The following ANKRD11 variants were observed in gnomAD, a reference collection of about 807,000 sequenced individuals.
ANKRD11 encodes the protein ankyrin repeat domain-containing protein 11.
Under a neutral mutation model 195.7 loss-of-function variants are expected in ANKRD11, and 17 were observed. That is an observed-to-expected ratio of 0.09 (90% CI 0.06 to 0.13). The LOEUF (loss-of-function observed/expected upper bound fraction) is 0.13. Among genes scored for constraint, ANKRD11 ranks in the 10% least tolerant of loss-of-function variants. The probability of loss-of-function intolerance (pLI) is 1.00; values close to 1 mark genes in which losing one functional copy is unlikely to be tolerated. For synonymous variants in ANKRD11, 1,953 were observed against 1,528.1 expected (o/e 1.28, Z -6.49); for missense variants, 3,735 against 3,566.1 (o/e 1.05, Z -1.21).
chr16:89,296,404 T>C (rs1438555589), intron 4 of ANKRD11, among the ~76,000 whole-genome samples: 2 of 152,216 alleles, frequency 1.3e-5, no homozygotes, highest in African/African-American at 4.8e-5. Context: ...GCAGGCTTCC[T>C]GTCTCACTTT....
chr16:89,280,412 C>G lies in ANKRD11; in HGVS notation c.6130G>C (p.Val2044Leu). Residue 2044 changes from valine to leucine, a missense_variant, in exon 9 of 13, where the codon GTC becomes CTC. By Grantham distance (32) the Val-to-Leu change is conservative. Transcript: ENST00000301030. ...TCTGAGGTGGAGATGGCGGCGGGGACGGCGTCCACTCCGTCCTTGACGTCC... is the reference window on the plus strand; with the variant it reads ...TCTGAGGTGGAGATGGCGGCGGGGAGGGCGTCCACTCCGTCCTTGACGTCC... ...LEDVKDGVDAVPAAISTSEAA... is the reference protein window; with the variant it reads ...LEDVKDGVDALPAAISTSEAA... 1.3e-6 allele frequency: 2 copies of G among 1,562,722 alleles called. No homozygotes were observed. The highest frequency in any genetic ancestry group is 2.3e-5 in the East Asian group (1 of 44,142).
chr16:89,483,357 A>T (rs74037209), intron 1 of ANKRD11, among the ~76,000 whole-genome samples: 1,570 of 152,334 alleles, frequency 0.01, 25 homozygotes, highest in African/African-American at 0.036. Flanking sequence ...TAGCAGAATC[A>T]GATCTAAAGA....
chr16:89,332,307 G>A (rs907126658), intron 2 of ANKRD11, among the ~76,000 whole-genome samples: 2 of 152,130 alleles, frequency 1.3e-5, no homozygotes, highest in East Asian at 1.9e-4. Flanking sequence ...CCTGGTGAAC[G>A]CTCTTCAGCT....
intron 2 of ANKRD11, among the ~76,000 whole-genome samples, chr16:89,413,131 C>G (rs1483736761): frequency 6.6e-6 from 1 of 152,200 alleles, no homozygotes; most frequent in African/African-American, 2.4e-5. Context: ...ACAGGTCTAA[C>G]TTAAATGACA....
chr16:89,471,277 A>C (rs558379513), intron 1 of ANKRD11, among the ~76,000 whole-genome samples: 126 of 152,312 alleles, frequency 8.3e-4, no homozygotes, highest in African/African-American at 2.9e-3. Context: ...GCGATTTCCA[A>C]ATCACAGCTT....
intron 2 of ANKRD11, among the ~76,000 whole-genome samples, chr16:89,377,691 CT>C (rs1419419955): frequency 6.6e-6 from 1 of 152,164 alleles, no homozygotes; most frequent in African/African-American, 2.4e-5. Context: ...CTCCCACCCG[CT>C]TTTAACTTCT....
intron 2 of ANKRD11, among the ~76,000 whole-genome samples, chr16:89,353,521 A>C (rs370312136): frequency 3.3e-5 from 5 of 151,624 alleles, no homozygotes; most frequent in African/African-American, 1.2e-4. Flanking sequence ...TGTGTCACCC[A>C]GGCTGGAGTA....
chr16:89,320,016 A>T (rs1055500140), intron 2 of ANKRD11: 2 of 152,374 alleles, frequency 1.3e-5, no homozygotes, highest in Non-Finnish European at 2.9e-5. Flanking sequence ...GGGCCGAGGA[A>T]CCGTTACTCA....
intron 1 of ANKRD11, among the ~76,000 whole-genome samples, chr16:89,453,171 C>G (rs1463788946): frequency 6.6e-6 from 1 of 152,164 alleles, no homozygotes; most frequent in Non-Finnish European, 1.5e-5. Context: ...TATCTTGGCT[C>G]CTTTTTGTTT....
At chr16:89,301,605 C>G (rs1016814307) in intron 4 of ANKRD11, 3 of 398,588 alleles carry the variant, frequency 7.5e-6, no homozygotes, top group Non-Finnish European at 1.3e-5. Context: ...CTTACAGAGG[C>G]CTGGTCCTAG....
intron 1 of ANKRD11, among the ~76,000 whole-genome samples, chr16:89,469,831 G>GAC (rs2057013630): frequency 6.6e-6 from 1 of 150,428 alleles, no homozygotes; most frequent in Non-Finnish European, 1.5e-5. Flanking sequence ...CCCGGGAGCG[G>GAC]CAGTTGCAGG....
intron 1 of ANKRD11, among the ~76,000 whole-genome samples, chr16:89,443,607 G>A (rs1348237623): frequency 6.6e-6 from 1 of 152,118 alleles, no homozygotes; most frequent in East Asian, 1.9e-4. Context: ...TGCCACGCAT[G>A]GAAAATTCTT....
chr16:89,353,925 A>G (rs1299255172), intron 2 of ANKRD11, among the ~76,000 whole-genome samples: 2 of 152,242 alleles, frequency 1.3e-5, no homozygotes, highest in African/African-American at 4.8e-5. Flanking sequence ...TGTCTGCCAC[A>G]GGGTGAGGGG....
chr16:89,457,464 G>A (rs1243871425), intron 1 of ANKRD11, among the ~76,000 whole-genome samples: 1 of 151,290 alleles, frequency 6.6e-6, no homozygotes, highest in Admixed American at 6.6e-5. Flanking sequence ...CAGGCGTGGT[G>A]GTGGGCACCC....
At chr16:89,426,796 G>C (rs1016741378) in intron 1 of ANKRD11, among the ~76,000 whole-genome samples, 2 of 152,226 alleles carry the variant, frequency 1.3e-5, no homozygotes, top group Admixed American at 6.5e-5. Context: ...TGGACACTGG[G>C]AAACAGAAAA....
At chr16:89,488,850 C>G (rs138017305) in intron 1 of ANKRD11, among the ~76,000 whole-genome samples, 1 of 152,148 alleles carries the variant, frequency 6.6e-6, no homozygotes, top group African/African-American at 2.4e-5. Flanking sequence ...AGCCTGAAAT[C>G]TAATTTCTCT....
chr16:89,384,466 CAGGACAAGATGGGAAT>C (rs2040803526), intron 2 of ANKRD11, among the ~76,000 whole-genome samples: 1 of 150,412 alleles, frequency 6.6e-6, no homozygotes, highest in South Asian at 2.1e-4. Flanking sequence ...TGAAATGGGA[CAGGACAAGATGGGAAT>C]GGGACGAGAT....
intron 1 of ANKRD11, among the ~76,000 whole-genome samples, chr16:89,433,573 G>A (rs562308424): frequency 3.9e-5 from 6 of 152,216 alleles, no homozygotes; most frequent in Admixed American, 6.5e-5. Context: ...AGGGTTGGAC[G>A]TGGGGGCTGG....
intron 2 of ANKRD11, among the ~76,000 whole-genome samples, chr16:89,317,365 G>C (rs1263501344): frequency 6.6e-6 from 1 of 152,218 alleles, no homozygotes; most frequent in East Asian, 1.9e-4. Flanking sequence ...TGTGTTCTGG[G>C]TGGCAGTCAG....
Sources: gnomAD v4.1 joint callset for allele counts (sites outside exome capture counted in the v4.1 genomes callset) on GRCh38, gnomAD v4.1.1 for gene constraint, MANE v1.5 for transcripts, NCBI Gene and HGNC (gene_info 2026-07-23, HGNC 2026-07-21) for gene names.